AKAP3: variants seen among roughly 807,000 people sequenced by gnomAD.
AKAP3 encodes A-kinase anchoring protein 3.
AKAP3 carries 27 observed loss-of-function variants against 57.2 expected under a neutral mutation model. The observed-to-expected ratio is 0.47, with a 90% CI of 0.35 to 0.65. The LOEUF (loss-of-function observed/expected upper bound fraction) is 0.65, where lower values mean the gene tolerates loss of function less well. AKAP3 is among the 30% of genes least tolerant of loss of function. AKAP3 has a pLI of 0.01. For missense variants in AKAP3, 959 were observed against 1,040.0 expected (o/e 0.92, Z 1.07); for synonymous variants, 334 against 392.3 (o/e 0.85, Z 1.76).
chr12:4,643,750 C>G (rs555205507), intron 2 of AKAP3, among the ~76,000 whole-genome samples: 1 of 152,258 alleles, frequency 6.6e-6, no homozygotes, highest in South Asian at 2.1e-4. Flanking sequence ...AAGGCATAAG[C>G]AACATAGGGG....
At chr12:4,637,537 G>A (rs887383647) in intron 4 of AKAP3, among the ~76,000 whole-genome samples, 4 of 152,062 alleles carry the variant, frequency 2.6e-5, no homozygotes, top group African/African-American at 9.7e-5. Context: ...AGTTAACTAC[G>A]TTTTATTAAT....
intron 5 of AKAP3, among the ~76,000 whole-genome samples, chr12:4,620,495 AGAG>A (rs1391217562): frequency 2.0e-5 from 3 of 148,846 alleles, no homozygotes; most frequent in Non-Finnish European, 4.5e-5. Flanking sequence ...AAAAAAAAAA[AGAG>A]AGATTGTAAC....
chr12:4,631,514 G>A, intron 4 of AKAP3: 1 of 579,554 alleles, frequency 1.7e-6, no homozygotes, highest in South Asian at 2.2e-5. Context: ...GATGTAAGCA[G>A]CAATGTCTTC....
chr12:4,636,312 A>G (rs1945564877), intron 4 of AKAP3, among the ~76,000 whole-genome samples: 1 of 152,224 alleles, frequency 6.6e-6, no homozygotes, highest in Non-Finnish European at 1.5e-5. Flanking sequence ...CCGTAGGACG[A>G]GAGTGTGTCT....
chr12:4,632,109 G>A (rs1250353180), intron 4 of AKAP3, among the ~76,000 whole-genome samples: 1 of 152,184 alleles, frequency 6.6e-6, no homozygotes, highest in East Asian at 1.9e-4. Context: ...ATTACATTGA[G>A]TTAATGCATA....
chr12:4,643,856 T>C (rs1945666479), intron 2 of AKAP3, among the ~76,000 whole-genome samples: 1 of 152,186 alleles, frequency 6.6e-6, no homozygotes. Flanking sequence ...TTACCCAAGG[T>C]TCCTAAACTC....
chr12:4,631,973 T>C (rs761419148), intron 4 of AKAP3, among the ~76,000 whole-genome samples: 86 of 152,348 alleles, frequency 5.6e-4, no homozygotes, highest in South Asian at 1.2e-3. Context: ...AAAATGTAAA[T>C]TTGCATTTAA....
chr12:4,618,225 C>T (rs976140799), intron 5 of AKAP3, among the ~76,000 whole-genome samples: 2 of 152,122 alleles, frequency 1.3e-5, no homozygotes, highest in African/African-American at 4.8e-5. Flanking sequence ...ATGCTGCCTA[C>T]CAAAAACCTC....
At chr12:4,636,426 G>A (rs1170039597) in intron 4 of AKAP3, among the ~76,000 whole-genome samples, 1 of 152,164 alleles carries the variant, frequency 6.6e-6, no homozygotes, top group Non-Finnish European at 1.5e-5. Flanking sequence ...GAATGATAAG[G>A]TTCAGAGGGG....
intron 5 of AKAP3, among the ~76,000 whole-genome samples, chr12:4,621,672 C>T (rs1945349484): frequency 6.6e-6 from 1 of 152,088 alleles, no homozygotes; most frequent in African/African-American, 2.4e-5. Flanking sequence ...TAAGTACCGT[C>T]TATTATGTTC....
intron 3 of AKAP3, among the ~76,000 whole-genome samples, chr12:4,640,037 T>A (rs569197114): frequency 1.3e-3 from 192 of 152,162 alleles, no homozygotes; most frequent in Non-Finnish European, 2.3e-3. Context: ...AGGATGGTCT[T>A]GATCTCCTGA....
chr12:4,634,331 G>A (rs536187747), intron 4 of AKAP3, among the ~76,000 whole-genome samples: 10 of 152,122 alleles, frequency 6.6e-5, no homozygotes, highest in Non-Finnish European at 1.3e-4. Context: ...TGTCAAAAGG[G>A]GAGAGAGAAA....
chr12:4,632,441 C>T (rs903674530), intron 4 of AKAP3, among the ~76,000 whole-genome samples: 14 of 152,100 alleles, frequency 9.2e-5, no homozygotes, highest in Admixed American at 2.6e-4. Flanking sequence ...ATAATCATAA[C>T]TGTTAACTTT....
At chr12:4,647,354 A>T (rs1945712058) in intron 1 of AKAP3, among the ~76,000 whole-genome samples, 1 of 151,896 alleles carries the variant, frequency 6.6e-6, no homozygotes, top group Non-Finnish European at 1.5e-5. Context: ...TGGGGATGGG[A>T]TCTAGTATTC....
chr12:4,638,547 T>TA (rs1422611018), intron 3 of AKAP3, among the ~76,000 whole-genome samples: 1 of 152,194 alleles, frequency 6.6e-6, no homozygotes, highest in African/African-American at 2.4e-5. Context: ...GGATTTTCAG[T>TA]AGACACTCAA....
chr12:4,632,221 T>TAAAG (rs143631496), intron 4 of AKAP3, among the ~76,000 whole-genome samples: 67,948 of 151,640 alleles, frequency 0.45, 15,815 homozygotes, highest in Middle Eastern at 0.53. Context: ...TTATCACTTA[T>TAAAG]AAAGAGGCTA....
At chr12:4,635,259 A>G (rs112146633) in intron 4 of AKAP3, 4 of 307,584 alleles carry the variant, frequency 1.3e-5, no homozygotes, top group African/African-American at 6.7e-5. Flanking sequence ...TGGAAGTCAT[A>G]CTGGGCTGGT....
chr12:4,638,960 A>C (rs1945600979), intron 3 of AKAP3, among the ~76,000 whole-genome samples: 1 of 152,102 alleles, frequency 6.6e-6, no homozygotes. Flanking sequence ...ACTGAGATTC[A>C]TTTTAATTGT....
intron 4 of AKAP3, among the ~76,000 whole-genome samples, chr12:4,632,012 T>G (rs1404444142): frequency 6.6e-6 from 1 of 152,202 alleles, no homozygotes; most frequent in Non-Finnish European, 1.5e-5. Context: ...CTGACAAACT[T>G]TATTTCAACA....
Sources: allele counts gnomAD v4.1 joint callset (sites outside exome capture counted in the v4.1 genomes callset), GRCh38; gene constraint gnomAD v4.1.1; transcripts MANE v1.5; gene names NCBI Gene and HGNC (gene_info 2026-07-23, HGNC 2026-07-21).